LSAMP: variants seen among roughly 807,000 people sequenced by gnomAD.
LSAMP encodes the protein limbic system associated membrane protein.
A neutral mutation model predicts 38.6 loss-of-function variants in LSAMP; 7 were observed. The ratio of observed to expected loss-of-function variants is 0.18; its 90% CI spans 0.10 to 0.34. The LOEUF (loss-of-function observed/expected upper bound fraction) is 0.34, where lower values mean the gene tolerates loss of function less well. Among genes scored for constraint, LSAMP ranks in the 10% least tolerant of loss-of-function variants. The probability of loss-of-function intolerance (pLI) is 1.00; values close to 1 mark genes in which losing one functional copy is unlikely to be tolerated. For missense variants in LSAMP, 313 were observed against 420.0 expected (o/e 0.75, Z 2.23); for synonymous variants, 154 against 166.8 (o/e 0.92, Z 0.59).
chr3:116,124,019 A>G (rs934045705), intron 1 of LSAMP, among the ~76,000 whole-genome samples: 7 of 152,196 alleles, frequency 4.6e-5, no homozygotes, highest in African/African-American at 1.7e-4. Flanking sequence ...CTTCCTTACC[A>G]TCTTGTATGG....
intron 1 of LSAMP, among the ~76,000 whole-genome samples, chr3:116,351,269 CTTTG>C (rs766058291): frequency 1.8e-4 from 27 of 152,098 alleles, no homozygotes; most frequent in Non-Finnish European, 3.7e-4. Flanking sequence ...TTAAATTTCT[CTTTG>C]TTTATTTCCC....
At chr3:116,033,782 G>GA (rs1023021537) in intron 2 of LSAMP, among the ~76,000 whole-genome samples, 6 of 151,978 alleles carry the variant, frequency 3.9e-5, no homozygotes, top group African/African-American at 1.2e-4. Context: ...GGTTCATATA[G>GA]AAAAAAAACC....
chr3:116,106,133 G>A (rs1335943504), intron 1 of LSAMP, among the ~76,000 whole-genome samples: 7 of 152,204 alleles, frequency 4.6e-5, no homozygotes, highest in Non-Finnish European at 8.8e-5. Flanking sequence ...GGACGACTCA[G>A]GATATCTGAT....
intron 1 of LSAMP, among the ~76,000 whole-genome samples, chr3:116,329,982 TA>T (rs2047826851): frequency 6.6e-6 from 1 of 152,196 alleles, no homozygotes; most frequent in African/African-American, 2.4e-5. Context: ...AATTACTACT[TA>T]CTATGTCTCT....
chr3:116,208,355 C>T (rs1268171524), intron 1 of LSAMP, among the ~76,000 whole-genome samples: 7 of 151,744 alleles, frequency 4.6e-5, no homozygotes, highest in African/African-American at 9.7e-5. Context: ...AATGTCCTCC[C>T]GTAGCTCAGA....
rs35972347 is a variant in LSAMP, at chr3:116,050,533, G to GAAAA, written c.389-30897_389-30894dup. On this transcript the variant is annotated intron_variant, in intron 2 of 6. Transcript: ENST00000490035. ...ATATGGTCCTTGGGGAAATTAGGGG[G>GAAAA]AAAAAAAAAAAGTATCCACTAAGTC... Among the ~76,000 whole-genome samples the GAAAA allele has an allele frequency of 9.2e-3, 1,275 of 138,836 alleles. 11 individuals are homozygous for GAAAA. The highest frequency in any genetic ancestry group is 0.03 in the African/African-American group (956 of 31,960). The allele number at this position is 138,836 out of a possible 152,430, so 91.1% of individuals were successfully genotyped here.
intron 2 of LSAMP, among the ~76,000 whole-genome samples, chr3:116,072,751 G>GTTTTTTT (rs1559731710): frequency 4.2e-5 from 5 of 118,704 alleles, no homozygotes; most frequent in Admixed American, 8.6e-5. Flanking sequence ...GGTTGTTTGT[G>GTTTTTTT]GTTTTTTTTT....
intron 3 of LSAMP, among the ~76,000 whole-genome samples, chr3:115,884,279 G>T (rs1936395571): frequency 6.6e-6 from 1 of 151,998 alleles, no homozygotes; most frequent in Non-Finnish European, 1.5e-5. Context: ...AGGAACAGAT[G>T]TTCTTAGAGA....
chr3:116,408,046 A>G (rs1013138203), intron 1 of LSAMP, among the ~76,000 whole-genome samples: 4 of 152,076 alleles, frequency 2.6e-5, no homozygotes, highest in Non-Finnish European at 5.9e-5. Flanking sequence ...TCTTATCATA[A>G]TACTTCCAAT....
At position 116,019,558 on chromosome 3, in the gene LSAMP, G is replaced by A; in HGVS notation, c.471C>T (p.Gly157=). Residue 157 remains glycine, a synonymous_variant, in exon 3 of 7, where the codon GGC becomes GGT. Transcript: ENST00000490035. ...TCCAGGTGATAACAGGTTCAGGACG[G>A]CCATTGGCCATGCAGACCAGAGTCA... ...SNVTLVCMAN[G]RPEPVITWRH... is the part of the protein sequence containing the mutation. The A allele has an allele frequency of 6.2e-7, 1 of 1,612,920 alleles. No homozygotes were observed. The highest frequency in any genetic ancestry group is 8.5e-7 in the Non-Finnish European group (1 of 1,179,132).
At chr3:116,190,381 G>A (rs932673882) in intron 1 of LSAMP, among the ~76,000 whole-genome samples, 1 of 152,006 alleles carries the variant, frequency 6.6e-6, no homozygotes, top group African/African-American at 2.4e-5. Flanking sequence ...AAGTGATAGA[G>A]TGCTACACTC....
At chr3:115,917,229 A>G (rs1937271176) in intron 3 of LSAMP, among the ~76,000 whole-genome samples, 1 of 152,336 alleles carries the variant, frequency 6.6e-6, no homozygotes, top group Middle Eastern at 3.4e-3. Context: ...ACAATGCTCA[A>G]TAGCTTTGGG....
At chr3:116,132,017 G>A (rs908580967) in intron 1 of LSAMP, among the ~76,000 whole-genome samples, 8 of 151,550 alleles carry the variant, frequency 5.3e-5, no homozygotes, top group African/African-American at 9.7e-5. Context: ...TAGTAGAGAC[G>A]GGGTTTTGCA....
chr3:115,811,258 G>A (rs933838775), intron 6 of LSAMP, among the ~76,000 whole-genome samples: 6 of 152,072 alleles, frequency 3.9e-5, no homozygotes, highest in African/African-American at 1.4e-4. Flanking sequence ...GGTCTGAGAG[G>A]GGAAATAGGA....
chr3:116,232,718 C>CA, intron 1 of LSAMP, among the ~76,000 whole-genome samples: 1 of 6,366 alleles, frequency 1.6e-4, no homozygotes, highest in Admixed American at 5.0e-3. Flanking sequence ...TTTTTTTTTC[C>CA]AGCAGGTAGA....
chr3:115,970,565 GTCTA>G (rs1012804099), intron 3 of LSAMP, among the ~76,000 whole-genome samples: 1 of 152,168 alleles, frequency 6.6e-6, no homozygotes, highest in African/African-American at 2.4e-5. Context: ...ACTTGGGGCT[GTCTA>G]TCTTGGACAT....
At chr3:115,967,787 C>T (rs185638059) in intron 3 of LSAMP, among the ~76,000 whole-genome samples, 113 of 152,192 alleles carry the variant, frequency 7.4e-4, no homozygotes, top group Non-Finnish European at 1.2e-3. Flanking sequence ...TCTCATGAGA[C>T]TCACTCACTA....
intron 1 of LSAMP, among the ~76,000 whole-genome samples, chr3:116,313,559 C>T (rs17646126): frequency 0.057 from 8,739 of 152,306 alleles, 298 homozygotes; most frequent in Non-Finnish European, 0.079. Flanking sequence ...TGGGCACAGA[C>T]TGAGACACGA....
intron 3 of LSAMP, among the ~76,000 whole-genome samples, chr3:115,952,381 C>T (rs189596738): frequency 6.2e-4 from 95 of 152,296 alleles, no homozygotes; most frequent in Admixed American, 1.4e-3. Context: ...GAATACAACT[C>T]AGCCATAAAA....
Sources: gnomAD v4.1 joint callset for allele counts (sites outside exome capture counted in the v4.1 genomes callset) on GRCh38, gnomAD v4.1.1 for gene constraint, MANE v1.5 for transcripts, NCBI Gene and HGNC (gene_info 2026-07-23, HGNC 2026-07-21) for gene names.